Variants in ASH2L observed in about 807,000 individuals in gnomAD.
ASH2L encodes the protein set1/Ash2 histone methyltransferase complex subunit ASH2.
Under a neutral mutation model 81.1 loss-of-function variants are expected in ASH2L, and 30 were observed. That is an observed-to-expected ratio of 0.37 (90% CI 0.28 to 0.50). The LOEUF is 0.50. Among genes scored for constraint, ASH2L ranks in the 20% least tolerant of loss-of-function variants. ASH2L has a pLI of 0.95. For missense variants in ASH2L, 559 were observed against 792.1 expected (o/e 0.71, Z 3.53); for synonymous variants, 273 against 279.9 (o/e 0.98, Z 0.24).
intron 14 of ASH2L, among the ~76,000 whole-genome samples, chr8:38,136,449 TATAGGTAG>T (rs1482741740): frequency 8.6e-5 from 13 of 151,212 alleles, no homozygotes; most frequent in African/African-American, 2.7e-4. Context: ...TTTAAAAATA[TATAGGTAG>T]ATAGGTAGAT....
At chr8:38,106,239 C>A in intron 1 of ASH2L, 139 bp from the exon 2 acceptor site, 1 of 1,362,498 alleles carries the variant, frequency 7.3e-7, no homozygotes, top group Non-Finnish European at 1.0e-6. Flanking sequence ...GTACCTTGGG[C>A]ATCCAGTCTG....
intron 10 of ASH2L, 33 bp from the exon 11 acceptor site, chr8:38,128,257 GT>G: frequency 6.2e-7 from 1 of 1,612,112 alleles, no homozygotes; most frequent in Non-Finnish European, 8.5e-7. Flanking sequence ...CCTCAAATAA[GT>G]TGCAGGCCTT....
At chr8:38,127,675 G>A (rs1032587050) in intron 10 of ASH2L, among the ~76,000 whole-genome samples, 6 of 150,720 alleles carry the variant, frequency 4.0e-5, no homozygotes, top group African/African-American at 1.2e-4. Flanking sequence ...CTTGGGAGGC[G>A]GAGGTTGCAG....
intron 13 of ASH2L, 72 bp from the exon 14 acceptor site, chr8:38,135,596 T>C: frequency 8.8e-7 from 1 of 1,142,360 alleles, no homozygotes; most frequent in Non-Finnish European, 1.3e-6. Flanking sequence ...TTCTAACATA[T>C]TTTCCTAGAG....
chr8:38,120,896 T>G (rs1409383802), intron 9 of ASH2L, 36 bp from the exon 10 acceptor site: 1 of 1,565,676 alleles, frequency 6.4e-7, no homozygotes, highest in Admixed American at 1.7e-5. Flanking sequence ...CTAAAGGGGG[T>G]TTTAGTTTTT....
At chr8:38,137,420 G>A (rs370170149) in intron 14 of ASH2L, 1 of 151,010 alleles carries the variant, frequency 6.6e-6, no homozygotes, top group African/African-American at 2.4e-5. Context: ...AAAAAAAGCT[G>A]GGCCTGGTGG....
At chr8:38,105,907 T>C in intron 1 of ASH2L, 169 bp downstream of exon 1, 1 of 1,464,648 alleles carries the variant, frequency 6.8e-7, no homozygotes, top group Non-Finnish European at 9.0e-7. Flanking sequence ...ATATCTCGGA[T>C]AACGCCCCTT....
At chr8:38,130,879 C>T (rs958892062) in intron 12 of ASH2L, among the ~76,000 whole-genome samples, 15 of 152,210 alleles carry the variant, frequency 9.9e-5, no homozygotes, top group Non-Finnish European at 1.6e-4. Flanking sequence ...TGTGCCCGAC[C>T]AGATTTTTAT....
chr8:38,110,903 A>G (rs1437540468), intron 5 of ASH2L, 70 bp downstream of exon 5: 28 of 1,240,172 alleles, frequency 2.3e-5, no homozygotes, highest in Non-Finnish European at 3.0e-5. Context: ...ATACTCCCTA[A>G]CAAGTACTTT....
At position 38,121,338 on chromosome 8, in the gene ASH2L, TATATATATATATATA is replaced by T. The variant is rs1811138572; in HGVS notation, c.1165+190_1165+204del. Among the ~76,000 whole-genome samples the T allele has an allele frequency of 2.0e-3, 226 of 112,918 alleles. 7 individuals carry two copies. Among genetic ancestry groups the T allele is most frequent in the African/African-American group, 5.7e-3 (169 of 29,596 alleles). 74.1% of individuals were successfully genotyped at this position (112,918 alleles called of 152,430 possible). The stretch of plus-strand genomic sequence containing the variant: ...ATAAGCTCCAGCCGTTTTATTTATA[TATATATATATATATA>T]TATATATATATATATATATATATAT... On this transcript the variant is annotated intron_variant, in intron 10 of 15. Transcript: ENST00000343823.
At chr8:38,114,315 G>A (rs887865411) in intron 6 of ASH2L, 28 bp downstream of exon 6, 1 of 1,384,898 alleles carries the variant, frequency 7.2e-7, no homozygotes, top group Non-Finnish European at 1.0e-6. Context: ...GATTAGACTT[G>A]ACATTTAAAA....
intron 10 of ASH2L, 76 bp from the exon 11 acceptor site, chr8:38,128,215 A>T: frequency 6.5e-7 from 1 of 1,537,496 alleles, no homozygotes; most frequent in Non-Finnish European, 8.9e-7. Context: ...GTTTTATTGG[A>T]CTAATGTTTT....
At chr8:38,127,972 G>A (rs1174851448) in intron 10 of ASH2L, among the ~76,000 whole-genome samples, 1 of 151,998 alleles carries the variant, frequency 6.6e-6, no homozygotes, top group Non-Finnish European at 1.5e-5. Context: ...CTTGAACCCG[G>A]GAGGTGGAGG....
intron 14 of ASH2L, 109 bp from the exon 15 acceptor site, chr8:38,138,707 C>T (rs894645232): frequency 4.7e-6 from 4 of 842,456 alleles, no homozygotes; most frequent in Admixed American, 2.1e-5. Context: ...TCCATTTATC[C>T]CCCGAGTATT....
Position 38,133,618 on chromosome 8 carries a change from G to A in ASH2L, c.1620+72G>A. On this transcript the variant is annotated intron_variant, in intron 13 of 15. Coordinates refer to ENST00000343823, the MANE Select transcript of ASH2L (RefSeq NM_004674.5). ...TAGGACCCATTCCTTCATTATAAAA[G>A]TGAGGAACACGAGGCCCAAAGGGGA... The A allele has an allele frequency of 4.0e-6, 5 of 1,239,604 alleles. No homozygotes were observed. The South Asian group carries it at 4.1e-5, about 10-fold the overall frequency. The allele number at this position is 1,239,604 out of a possible 1,614,324, so 76.8% of individuals were successfully genotyped here.
rs1157186473 is a variant in ASH2L, at chr8:38,138,858, G to A, written c.1762G>A (p.Asp588Asn). 2 of 1,614,092 alleles carry A rather than the reference G, an allele frequency of 1.2e-6. No individual in the cohort carries two copies. The highest frequency in any genetic ancestry group is 1.7e-6 in the Non-Finnish European group (2 of 1,180,006). Reference sequence around the variant, plus strand: ...ACCATGCTTCAAGTATCCTCCGAAGGATCTCACTTACCGCCCTGTGAGTAA... The same window carrying A: ...ACCATGCTTCAAGTATCCTCCGAAGAATCTCACTTACCGCCCTGTGAGTAA... ...FGPCFKYPPK[D>N]LTYRPMSDMG... Residue 588 changes from aspartate to asparagine, a missense_variant, in exon 15 of 16, where the codon GAT becomes AAT. By Grantham distance (23) the Asp-to-Asn change is conservative. Coordinates refer to ENST00000343823, the MANE Select transcript of ASH2L (RefSeq NM_004674.5).
intron 5 of ASH2L, 22 bp from the exon 6 acceptor site, chr8:38,114,170 C>G: frequency 1.4e-6 from 2 of 1,392,736 alleles, no homozygotes; most frequent in South Asian, 1.3e-5. Flanking sequence ...CAGTAATAGT[C>G]TTAATTTATT....
chr8:38,121,996 C>T (rs1801649908), intron 10 of ASH2L, among the ~76,000 whole-genome samples: 1 of 152,180 alleles, frequency 6.6e-6, no homozygotes, highest in East Asian at 1.9e-4. Flanking sequence ...TTTTAGCACC[C>T]ATCAGTGGAT....
intron 6 of ASH2L, among the ~76,000 whole-genome samples, chr8:38,114,494 G>A (rs113910203): frequency 3.9e-5 from 6 of 152,110 alleles, no homozygotes; most frequent in East Asian, 3.9e-4. Flanking sequence ...AACATTGCCC[G>A]CATACACCTG....
Sources: gnomAD v4.1 joint callset for allele counts (sites outside exome capture counted in the v4.1 genomes callset) on GRCh38, gnomAD v4.1.1 for gene constraint, MANE v1.5 for transcripts, NCBI Gene and HGNC (gene_info 2026-07-23, HGNC 2026-07-21) for gene names.